Variants in RASA3 observed in about 807,000 individuals in gnomAD.
RASA3 encodes the protein ras GTPase-activating protein 3.
In RASA3, 73 loss-of-function variants were observed where a neutral mutation model predicts 110.0. The observed-to-expected ratio is 0.66, with a 90% CI of 0.55 to 0.81. The LOEUF is 0.81. Among genes scored for constraint, RASA3 ranks in the 30% least tolerant of loss-of-function variants. The pLI, the probability that RASA3 is intolerant of heterozygous loss-of-function variation, is 0.00. For missense variants in RASA3, 976 were observed against 1,113.2 expected (o/e 0.88, Z 1.75); for synonymous variants, 500 against 451.4 (o/e 1.11, Z -1.37).
intron 20 of RASA3, 71 bp from the exon 21 acceptor site, chr13:113,996,810 GGC>G: frequency 7.3e-7 from 1 of 1,377,742 alleles, no homozygotes; most frequent in Non-Finnish European, 1.0e-6. Flanking sequence ...GAGTCCACCA[GGC>G]ACCTGGCCGT....
rs750647510 is a variant in RASA3, at chr13:114,052,165, CAAAG to C, written c.174-14_174-11del. 5.2e-5 allele frequency: 82 copies of C among 1,589,714 alleles called. No individual in the cohort carries two copies. Among genetic ancestry groups the C allele is most frequent in the Non-Finnish European group, 6.4e-5 (74 of 1,159,792 alleles). ...TTCTCCGTAAAACGGGCTAGTGAGA[CAAAG>C]AAAAGCGCCAGTTAGAACACAGGCC... On this transcript the variant is annotated splice_polypyrimidine_tract_variant and intron_variant, in intron 2 of 23. Transcript: ENST00000334062.
intron 16 of RASA3, 42 bp from the exon 17 acceptor site, chr13:114,009,506 C>T (rs576324162): frequency 7.4e-7 from 1 of 1,350,476 alleles, no homozygotes; most frequent in Non-Finnish European, 1.1e-6. Context: ...CCCGAAGTAC[C>T]TCGGCTCACG....
intron 1 of RASA3, among the ~76,000 whole-genome samples, chr13:114,104,491 C>T (rs966998242): frequency 1.5e-4 from 23 of 152,140 alleles, no homozygotes; most frequent in Non-Finnish European, 2.5e-4. Flanking sequence ...TAGCAAGAAC[C>T]GGCCTCTGCC....
intron 20 of RASA3, among the ~76,000 whole-genome samples, chr13:113,998,221 T>G (rs1052552455): frequency 5.9e-5 from 9 of 152,286 alleles, no homozygotes; most frequent in African/African-American, 1.9e-4. Context: ...TCCCCCTCAG[T>G]CAGCAGGCAT....
intron 1 of RASA3, among the ~76,000 whole-genome samples, chr13:114,080,264 C>T (rs1423665514): frequency 1.3e-5 from 2 of 152,188 alleles, no homozygotes; most frequent in Non-Finnish European, 2.9e-5. Context: ...AGGCACCCCC[C>T]AATCCTCCTG....
At chr13:113,989,935 G>T (rs1049809500) in intron 22 of RASA3, among the ~76,000 whole-genome samples, 4 of 152,212 alleles carry the variant, frequency 2.6e-5, no homozygotes, top group Admixed American at 2.6e-4. Context: ...CCAAATCTCA[G>T]GTCAGACTGT....
At chr13:114,118,542 T>C (rs8000561) in intron 1 of RASA3, among the ~76,000 whole-genome samples, 115,406 of 152,166 alleles carry the variant, frequency 0.76, 43,962 homozygotes, top group East Asian at 0.81. Context: ...TAAGAATGCA[T>C]GGCACATTTT....
rs1331358395 is a variant in RASA3, at chr13:114,065,678, C to T, written c.173+8042G>A. Among the ~76,000 whole-genome samples the T allele has an allele frequency of 6.6e-6, 1 of 152,198 alleles. No homozygotes were observed. Among genetic ancestry groups the T allele is most frequent in the Non-Finnish European group, 1.5e-5 (1 of 68,030 alleles). ...GGAGAATGGGGGTCCGCGGTCAGCT[C>T]ATAGCCCACCCGCCACCCAGCACTG... On this transcript the variant is annotated intron_variant, in intron 2 of 23. Coordinates refer to ENST00000334062, the MANE Select transcript of RASA3 (RefSeq NM_007368.4). This position sits in a 1 kb window ranked among gnomAD's most constrained non-coding sequence, Gnocchi z 4.1.
chr13:114,021,900 G>C (rs1019890861), intron 8 of RASA3, among the ~76,000 whole-genome samples: 24 of 152,024 alleles, frequency 1.6e-4, no homozygotes, highest in African/African-American at 5.3e-4. Context: ...TCTGTGCCAG[G>C]AGGGAGCCAG....
chr13:114,101,756 G>C (rs1305445781), intron 1 of RASA3, among the ~76,000 whole-genome samples: 1 of 152,200 alleles, frequency 6.6e-6, no homozygotes, highest in East Asian at 1.9e-4. Context: ...GCTGCACCCG[G>C]GGTCCTGGGG....
At chr13:114,045,343 C>T (rs751465577) in intron 3 of RASA3, among the ~76,000 whole-genome samples, 2 of 152,188 alleles carry the variant, frequency 1.3e-5, no homozygotes, top group Non-Finnish European at 2.9e-5. Context: ...CACGAGAGGC[C>T]GGAAGGGTCA....
Position 114,079,572 on chromosome 13 carries a change from G to A in RASA3, c.56-5735C>T, listed in dbSNP as rs376464844. Among the ~76,000 whole-genome samples, 3 of 152,320 alleles carry A rather than the reference G, an allele frequency of 2.0e-5. 1 individual carries two copies. The highest frequency in any genetic ancestry group is 6.8e-3 in the Middle Eastern group (2 of 294). On this transcript the variant is annotated intron_variant, in intron 1 of 23. Coordinates refer to ENST00000334062, the MANE Select transcript of RASA3 (RefSeq NM_007368.4). Reference sequence around the variant, plus strand: ...ATCTGAATAAAGGATGAAGAGCCCCGTCTACTTTGGGCTATTTAGAAGCCT... The same window carrying A: ...ATCTGAATAAAGGATGAAGAGCCCCATCTACTTTGGGCTATTTAGAAGCCT...
intron 4 of RASA3, among the ~76,000 whole-genome samples, chr13:114,032,762 C>T (rs12020990): frequency 0.018 from 1,482 of 83,696 alleles, 75 homozygotes; most frequent in African/African-American, 0.071. Flanking sequence ...ACTGACACCA[C>T]GCCCCACGGC....
chr13:114,017,472 C>CT, intron 11 of RASA3, 121 bp from the exon 12 acceptor site: 1 of 787,114 alleles, frequency 1.3e-6, no homozygotes, highest in South Asian at 1.5e-5. Context: ...CATCAGTCGG[C>CT]TTCCTGACAT....
chr13:113,999,239 G>A (rs2053327078), intron 20 of RASA3, among the ~76,000 whole-genome samples: 1 of 152,152 alleles, frequency 6.6e-6, no homozygotes, highest in Non-Finnish European at 1.5e-5. Flanking sequence ...CTTCCAAAAG[G>A]AATTCCAGAC....
intron 5 of RASA3, among the ~76,000 whole-genome samples, 159 bp from the exon 6 acceptor site, chr13:114,028,086 T>C (rs2054061624): frequency 6.6e-6 from 1 of 152,022 alleles, no homozygotes; most frequent in African/African-American, 2.4e-5. Flanking sequence ...TGCCTCGGTG[T>C]GACGCTGAAT....
intron 16 of RASA3, among the ~76,000 whole-genome samples, chr13:114,010,548 G>A (rs2053608299): frequency 1.3e-5 from 2 of 150,750 alleles, no homozygotes; most frequent in Admixed American, 6.6e-5. Flanking sequence ...GGAGGACGGA[G>A]GTTCATATCC....
chr13:114,037,932 G>T (rs2054310940), intron 4 of RASA3, among the ~76,000 whole-genome samples: 1 of 151,788 alleles, frequency 6.6e-6, no homozygotes, highest in Admixed American at 6.6e-5. Context: ...CGGGAGAAGG[G>T]AGCACGGCCT....
chr13:114,024,041 C>T (rs566360686), intron 8 of RASA3, among the ~76,000 whole-genome samples: 2 of 152,334 alleles, frequency 1.3e-5, no homozygotes, highest in South Asian at 2.1e-4. Context: ...TGAAGCCTTA[C>T]GGCCAGAGGG....
Sources: gnomAD v4.1 joint callset for allele counts (sites outside exome capture counted in the v4.1 genomes callset) on GRCh38, gnomAD v4.1.1 for gene constraint, Gnocchi (gnomAD v3.1) non-coding constraint, MANE v1.5 for transcripts, NCBI Gene and HGNC (gene_info 2026-07-23, HGNC 2026-07-21) for gene names.